Variants in CACNA1B observed in about 807,000 individuals in gnomAD.
CACNA1B encodes voltage-dependent N-type calcium channel subunit alpha-1B.
Under a neutral mutation model 247.2 loss-of-function variants are expected in CACNA1B, and 70 were observed. The ratio of observed to expected loss-of-function variants is 0.28; its 90% confidence interval spans 0.23 to 0.35. The LOEUF is 0.35. Ranked by LOEUF, CACNA1B falls within the 10% of genes least tolerant of loss-of-function variation. The probability of loss-of-function intolerance (pLI) is 1.00; values close to 1 mark genes in which losing one functional copy is unlikely to be tolerated. For synonymous variants in CACNA1B, 1,231 were observed against 1,294.4 expected (o/e 0.95, Z 1.05); for missense variants, 2,367 against 3,197.4 (o/e 0.74, Z 6.26).
intron 39 of CACNA1B, among the ~76,000 whole-genome samples, chr9:138,109,496 C>G (rs751730276): frequency 1.3e-5 from 2 of 152,152 alleles, no homozygotes; most frequent in Non-Finnish European, 2.9e-5. Flanking sequence ...ACAGACTTGC[C>G]TCTGTGTGTG....
intron 10 of CACNA1B, among the ~76,000 whole-genome samples, chr9:137,967,774 C>G (rs1958098225): frequency 6.6e-6 from 1 of 152,212 alleles, no homozygotes; most frequent in Non-Finnish European, 1.5e-5. Flanking sequence ...TGCTCTCTGT[C>G]TGCCCCTCAA....
At chr9:137,975,662 G>A (rs765408981) in intron 11 of CACNA1B, among the ~76,000 whole-genome samples, 11 of 152,338 alleles carry the variant, frequency 7.2e-5, no homozygotes, top group South Asian at 4.1e-4. Context: ...TGCTGAGCCC[G>A]TCCTTCTCTG....
In CACNA1B at chr9:137,986,771, G is replaced by A. The variant is rs1393282584; in HGVS notation, c.1902-11G>A. ...GGACTGCCACTTCCCAAGCCTTCCT[G>A]TTTTCCTCAGGTTCAACTTCCAGGA... On this transcript the variant is annotated splice_polypyrimidine_tract_variant and intron_variant, in intron 14 of 46. Coordinates refer to ENST00000371372, the MANE Select transcript of CACNA1B (RefSeq NM_000718.4). The surrounding 1 kb of genome is among the most constrained non-coding windows in gnomAD (Gnocchi z 6.0). 6.2e-7 allele frequency: 1 copy of A among 1,611,718 alleles called. No homozygotes were observed. Among genetic ancestry groups the A allele is most frequent in the South Asian group, 1.1e-5 (1 of 91,022 alleles).
chr9:137,970,728 A>G (rs1958136146), intron 10 of CACNA1B, among the ~76,000 whole-genome samples: 1 of 152,194 alleles, frequency 6.6e-6, no homozygotes, highest in South Asian at 2.1e-4. Flanking sequence ...GTGAAGGGCC[A>G]GGGCACAGCA....
chr9:138,009,645 C>T (rs1279056953), intron 16 of CACNA1B, among the ~76,000 whole-genome samples: 1 of 152,166 alleles, frequency 6.6e-6, no homozygotes, highest in Non-Finnish European at 1.5e-5. Flanking sequence ...AGCAGGCAGA[C>T]CATGGGCCCT....
In CACNA1B at chr9:138,058,395, A is replaced by G. The variant is rs1959592370; in HGVS notation, c.4308+145A>G. 2 of 945,798 alleles carry G rather than the reference A, an allele frequency of 2.1e-6. No homozygotes were observed. The highest frequency in any genetic ancestry group is 2.4e-5 in the East Asian group (1 of 41,016). The allele number at this position is 945,798 out of a possible 1,614,324, so 58.6% of individuals were successfully genotyped here. ...AGGGGCAGGTCCTCCTTTCTCCTGC[A>G]GAGGGACCGGATTTGGCTGGTTGAG... On this transcript the variant is annotated intron_variant, in intron 28 of 46. Coordinates refer to ENST00000371372, the MANE Select transcript of CACNA1B (RefSeq NM_000718.4). The surrounding 1 kb of genome is among the most constrained non-coding windows in gnomAD (Gnocchi z 4.7).
chr9:137,921,945 C>A (rs1439163763), intron 6 of CACNA1B, among the ~76,000 whole-genome samples: 69 of 144,282 alleles, frequency 4.8e-4, no homozygotes, highest in South Asian at 1.1e-3. Flanking sequence ...CACGACCGCA[C>A]AGCATCCTGG....
chr9:138,107,530 T>C (rs1800981490), intron 39 of CACNA1B, among the ~76,000 whole-genome samples: 1 of 152,142 alleles, frequency 6.6e-6, no homozygotes, highest in South Asian at 2.1e-4. Flanking sequence ...TTCTTGACTC[T>C]GTCTTTAAAA....
chr9:137,944,835 C>G (rs1163206780), intron 6 of CACNA1B, among the ~76,000 whole-genome samples: 1 of 152,102 alleles, frequency 6.6e-6, no homozygotes, highest in Non-Finnish European at 1.5e-5. Context: ...TAGCTGGAAC[C>G]CCGAATTTTG....
At chr9:137,980,838 T>A (rs1024715199) in intron 12 of CACNA1B, among the ~76,000 whole-genome samples, 14 of 148,914 alleles carry the variant, frequency 9.4e-5, no homozygotes, top group African/African-American at 3.2e-4. Context: ...ATACATGTTA[T>A]TTTTTTTAAT....
intron 12 of CACNA1B, among the ~76,000 whole-genome samples, chr9:137,981,930 A>G (rs1958298064): frequency 6.6e-6 from 1 of 152,136 alleles, no homozygotes. Context: ...AAATTCTATG[A>G]ACTGTGTGTT....
chr9:137,962,068 G>A (rs1010278687), intron 10 of CACNA1B, among the ~76,000 whole-genome samples: 3 of 152,080 alleles, frequency 2.0e-5, no homozygotes, highest in Admixed American at 2.0e-4. Context: ...CTCATTATTG[G>A]TCTTTTCAGG....
chr9:138,027,696 T>A (rs903317090), intron 20 of CACNA1B, among the ~76,000 whole-genome samples: 1 of 152,228 alleles, frequency 6.6e-6, no homozygotes, highest in African/African-American at 2.4e-5. Flanking sequence ...TCAGCATCCA[T>A]AGAGATCATA....
In CACNA1B at chr9:137,971,672, GC is replaced by G; in HGVS notation, c.1543+81del. The G allele has an allele frequency of 1.6e-6, 2 of 1,259,540 alleles. No homozygotes were observed. The highest frequency in any genetic ancestry group is 2.3e-6 in the Non-Finnish European group (2 of 888,124). The allele number at this position is 1,259,540 out of a possible 1,614,324, so 78.0% of individuals were successfully genotyped here. On this transcript the variant is annotated intron_variant, in intron 11 of 46. Transcript: ENST00000371372. This position sits in a 1 kb window ranked among gnomAD's most constrained non-coding sequence, Gnocchi z 4.4. ...TGGAAACCCTGGTCCATGCCCTGGG[GC>G]TACCCCAGGTGGGACGGGACCCACC...
In CACNA1B at chr9:137,981,493, G is replaced by T. The variant is rs11137329; in HGVS notation, c.1657-2645G>T. On this transcript the variant is annotated intron_variant, in intron 12 of 46. Transcript: ENST00000371372. ...TTAAGCATGTTTTCTACCTTTTTTT[G>T]TGTGTGTGTGTCTCGCTCTGTTGCC... Among the ~76,000 whole-genome samples the T allele has an allele frequency of 8.6e-4, 131 of 151,976 alleles. 2 individuals carry two copies. In the East Asian group the frequency reaches 0.02, roughly 24 times the overall value.
intron 10 of CACNA1B, among the ~76,000 whole-genome samples, chr9:137,963,675 T>A (rs1958044739): frequency 6.6e-6 from 1 of 152,146 alleles, no homozygotes; most frequent in Non-Finnish European, 1.5e-5. Flanking sequence ...GGGATTATAG[T>A]CGTGAGCCAC....
Position 137,917,098 on chromosome 9 carries a change from T to A in CACNA1B, c.776-143T>A. On this transcript the variant is annotated intron_variant, in intron 5 of 46. Transcript: ENST00000371372. The surrounding 1 kb of genome is among the most constrained non-coding windows in gnomAD (Gnocchi z 5.5). ...TGCCTGATGCAGATTCGAGGAGGGATGGTGGGAAGTTGAGGGAGAGTTTCT... is the reference window on the plus strand; with the variant it reads ...TGCCTGATGCAGATTCGAGGAGGGAAGGTGGGAAGTTGAGGGAGAGTTTCT... 1.5e-6 allele frequency: 1 copy of A among 679,978 alleles called. No individual in the cohort carries two copies. The highest frequency in any genetic ancestry group is 2.5e-6 in the Non-Finnish European group (1 of 407,034). The allele number at this position is 679,978 out of a possible 1,614,324, so 42.1% of individuals were successfully genotyped here.
chr9:138,103,476 C>G (rs1961322688), intron 38 of CACNA1B, among the ~76,000 whole-genome samples: 1 of 152,118 alleles, frequency 6.6e-6, no homozygotes, highest in Non-Finnish European at 1.5e-5. Flanking sequence ...CCTCGGGGCC[C>G]AGGAGTCATG....
intron 3 of CACNA1B, among the ~76,000 whole-genome samples, chr9:137,886,469 C>A (rs1957014378): frequency 6.6e-6 from 1 of 151,676 alleles, no homozygotes; most frequent in South Asian, 2.1e-4. Flanking sequence ...AGGTGGGCAG[C>A]CCTGCTGCCA....
Sources: allele counts gnomAD v4.1 joint callset (sites outside exome capture counted in the v4.1 genomes callset), GRCh38; gene constraint gnomAD v4.1.1; non-coding constraint Gnocchi (gnomAD v3.1); transcripts MANE v1.5; gene names NCBI Gene and HGNC (gene_info 2026-07-23, HGNC 2026-07-21).